The following ATOSA variants were observed in gnomAD, a reference collection of about 807,000 sequenced individuals.
ATOSA encodes the protein atos homolog protein A.
the ATOSA span, among the ~76,000 whole-genome samples, chr15:52,690,261 T>G: frequency 3.9e-5 from 6 of 152,192 alleles, no homozygotes; most frequent in Non-Finnish European, 8.8e-5. Context: ...GTACTAGCAT[T>G]AGGAATTTAG....
chr15:52,640,127 A>G, the ATOSA span, among the ~76,000 whole-genome samples: 2 of 152,154 alleles, frequency 1.3e-5, no homozygotes, highest in African/African-American at 4.8e-5. Context: ...ATACTTGCGC[A>G]AAGCCCACAT....
the ATOSA span, among the ~76,000 whole-genome samples, chr15:52,594,002 C>G: frequency 1.3e-5 from 2 of 152,204 alleles, no homozygotes. Flanking sequence ...CCAACTCACA[C>G]TGAACTCTCC....
At chr15:52,616,516 T>C in the ATOSA span, among the ~76,000 whole-genome samples, 3 of 152,254 alleles carry the variant, frequency 2.0e-5, no homozygotes, top group East Asian at 1.9e-4. Context: ...AGAGAATCCA[T>C]TGAGCCCAGG....
chr15:52,645,466 T>TAAC, the ATOSA span, among the ~76,000 whole-genome samples: 1 of 123,888 alleles, frequency 8.1e-6, no homozygotes, highest in Non-Finnish European at 1.9e-5. Flanking sequence ...AAATAAATAA[T>TAAC]TTTTTAAAAG....
chr15:52,705,833 T>C, the ATOSA span, among the ~76,000 whole-genome samples: 1 of 152,214 alleles, frequency 6.6e-6, no homozygotes, highest in Non-Finnish European at 1.5e-5. Flanking sequence ...CTGAATTTTG[T>C]ATAAGTTGAG....
At chr15:52,670,926 A>G in the ATOSA span, among the ~76,000 whole-genome samples, 2 of 152,224 alleles carry the variant, frequency 1.3e-5, no homozygotes, top group Non-Finnish European at 2.9e-5. Flanking sequence ...TGGGTCCCAA[A>G]TCTAAACTCT....
the ATOSA span, among the ~76,000 whole-genome samples, chr15:52,636,100 AT>A: frequency 1.5e-5 from 2 of 131,484 alleles, no homozygotes; most frequent in African/African-American, 5.5e-5. Context: ...AAAATTAAAT[AT>A]TAAATTAAAA....
chr15:52,586,907 A>C, the ATOSA span: 1 of 560,084 alleles, frequency 1.8e-6, no homozygotes, highest in Non-Finnish European at 2.8e-6. Flanking sequence ...AGTCCTATTG[A>C]AGTTATGCAA....
chr15:52,585,658 A>T, the ATOSA span, among the ~76,000 whole-genome samples: 1 of 152,212 alleles, frequency 6.6e-6, no homozygotes, highest in Non-Finnish European at 1.5e-5. Context: ...ATAGACCAAA[A>T]TATGTATCCT....
the ATOSA span, among the ~76,000 whole-genome samples, chr15:52,640,205 A>T: frequency 6.6e-6 from 1 of 152,190 alleles, no homozygotes. Context: ...ATGTACAATT[A>T]CTACTGTTAA....
At chr15:52,615,587 T>C in the ATOSA span, among the ~76,000 whole-genome samples, 3 of 152,182 alleles carry the variant, frequency 2.0e-5, no homozygotes, top group Non-Finnish European at 4.4e-5. Context: ...AGATCTCATG[T>C]AGAGAAAAGT....
the ATOSA span, among the ~76,000 whole-genome samples, chr15:52,594,639 A>G: frequency 1.3e-5 from 2 of 152,090 alleles, no homozygotes; most frequent in African/African-American, 2.4e-5. Context: ...TCAACCTTCT[A>G]TATCTCCTTT....
At chr15:52,588,672 G>A in the ATOSA span, among the ~76,000 whole-genome samples, 2 of 152,078 alleles carry the variant, frequency 1.3e-5, no homozygotes, top group Non-Finnish European at 2.9e-5. Flanking sequence ...TCCAGGCTTC[G>A]ACCTCCTGAC....
At chr15:52,601,854 G>A in the ATOSA span, among the ~76,000 whole-genome samples, 1 of 152,192 alleles carries the variant, frequency 6.6e-6, no homozygotes, top group Non-Finnish European at 1.5e-5. Flanking sequence ...ATTAGTGACT[G>A]AAGAAACAGA....
chr15:52,608,645 A>G, the ATOSA span: 119 of 1,610,468 alleles, frequency 7.4e-5, 1 homozygote, highest in African/African-American at 1.5e-3. Flanking sequence ...TAGTTTTGGG[A>G]TTTTTCATTA....
chr15:52,665,258 AAT>A, the ATOSA span, among the ~76,000 whole-genome samples: 1 of 152,190 alleles, frequency 6.6e-6, no homozygotes, highest in Admixed American at 6.5e-5. Flanking sequence ...CTGAATCTAA[AAT>A]AAAAGTTGAA....
the ATOSA span, among the ~76,000 whole-genome samples, chr15:52,661,938 A>AG: frequency 1.3e-5 from 2 of 151,074 alleles, no homozygotes; most frequent in Admixed American, 6.6e-5. Context: ...GGCCAAAAAA[A>AG]AAAAAAAAAA....
the ATOSA span, among the ~76,000 whole-genome samples, chr15:52,669,485 T>C: frequency 0.058 from 8,778 of 152,290 alleles, 353 homozygotes; most frequent in Middle Eastern, 0.088. Flanking sequence ...TCACAAACCA[T>C]GATCTCTCTT....
the ATOSA span, among the ~76,000 whole-genome samples, chr15:52,592,161 C>T: frequency 6.6e-6 from 1 of 152,064 alleles, no homozygotes; most frequent in Non-Finnish European, 1.5e-5. Context: ...TTATTAATGA[C>T]AAAAGTCATT....
Sources: allele counts gnomAD v4.1 joint callset (sites outside exome capture counted in the v4.1 genomes callset), GRCh38; gene constraint gnomAD v4.1.1; transcripts MANE v1.5; gene names NCBI Gene and HGNC (gene_info 2026-07-23, HGNC 2026-07-21).